The following GALNT18 variants were observed in gnomAD, a reference collection of about 807,000 sequenced individuals.
GALNT18 encodes the protein polypeptide N-acetylgalactosaminyltransferase 18.
A neutral mutation model predicts 69.5 loss-of-function variants in GALNT18; 44 were observed. That is an observed-to-expected ratio of 0.63 (90% CI 0.50 to 0.81). GALNT18 has a LOEUF of 0.81. Ranked by LOEUF, GALNT18 falls within the 40% of genes least tolerant of loss-of-function variation. The probability of loss-of-function intolerance (pLI) is 0.00; values close to 1 mark genes in which losing one functional copy is unlikely to be tolerated. For synonymous variants in GALNT18, 364 were observed against 318.2 expected, an observed-to-expected ratio of 1.14 and a Z score of -1.53; for missense variants, 715 against 810.0, an observed-to-expected ratio of 0.88 and a Z score of 1.42.
chr11:11,498,770 G>A (rs1856917632), intron 1 of GALNT18, among the ~76,000 whole-genome samples: 1 of 152,202 alleles, frequency 6.6e-6, no homozygotes, highest in Non-Finnish European at 1.5e-5. Flanking sequence ...CTGCACTCCA[G>A]CCTGGGCAAC....
intron 6 of GALNT18, among the ~76,000 whole-genome samples, chr11:11,369,487 AG>A (rs1395932302): frequency 6.6e-6 from 1 of 152,136 alleles, no homozygotes; most frequent in Non-Finnish European, 1.5e-5. Context: ...TCGTTGGATT[AG>A]GGCCCACCCT....
intron 1 of GALNT18, among the ~76,000 whole-genome samples, chr11:11,520,807 G>A (rs185303558): frequency 9.8e-5 from 15 of 152,334 alleles, no homozygotes; most frequent in East Asian, 5.8e-4. Flanking sequence ...GGATCAGTCC[G>A]GGGAGGGGCG....
rs1446456637 is a variant in GALNT18 at position 11,591,221 on chromosome 11, T to A, written c.235+30138A>T. Among the ~76,000 whole-genome samples the A allele has an allele frequency of 6.6e-6, 1 of 151,922 alleles. No individual in the cohort carries two copies. The highest frequency in any genetic ancestry group is 1.5e-5 in the Non-Finnish European group (1 of 67,980). ...GCCTTTTTAAGGCCTTTTTAAGGCT[T>A]TGTAAGGCTTAAAAGCTAAGACACA... is the stretch of plus-strand genomic sequence containing the variant. On this transcript the variant is annotated intron_variant, in intron 1 of 10. Transcript: ENST00000227756. The surrounding 1 kb of genome is among the most constrained non-coding windows in gnomAD (Gnocchi z 4.8).
At chr11:11,437,458 A>C (rs1034272086) in intron 2 of GALNT18, among the ~76,000 whole-genome samples, 2 of 152,102 alleles carry the variant, frequency 1.3e-5, no homozygotes, top group East Asian at 1.9e-4. Context: ...GGGAGCAACA[A>C]CTTAGGGGGC....
intron 2 of GALNT18, among the ~76,000 whole-genome samples, chr11:11,446,163 C>T (rs928064213): frequency 2.0e-5 from 3 of 152,210 alleles, no homozygotes; most frequent in African/African-American, 4.8e-5. Context: ...TTCCGCTCTT[C>T]AGTTTCCTCA....
chr11:11,272,231 C>T (rs1010225120), intron 10 of GALNT18, among the ~76,000 whole-genome samples: 1 of 152,198 alleles, frequency 6.6e-6, no homozygotes, highest in Non-Finnish European at 1.5e-5. Flanking sequence ...TTTCATTTAT[C>T]TATCCTTTCA....
intron 3 of GALNT18, among the ~76,000 whole-genome samples, chr11:11,422,609 G>GT (rs937226579): frequency 7.3e-5 from 11 of 149,896 alleles, no homozygotes; most frequent in South Asian, 6.3e-4. Flanking sequence ...CTTTTCCTCT[G>GT]TTTTTTTTGT....
At chr11:11,300,632 C>T (rs556701767) in intron 9 of GALNT18, among the ~76,000 whole-genome samples, 30 of 152,012 alleles carry the variant, frequency 2.0e-4, no homozygotes, top group Non-Finnish European at 4.0e-4. Flanking sequence ...TACGATTGGA[C>T]GGTTGGCAAA....
rs115909579 is a variant in GALNT18, at chr11:11,550,237, A to G, written c.235+71122T>C. Among the ~76,000 whole-genome samples the G allele has an allele frequency of 1.2e-3, 179 of 152,356 alleles. 1 individual carries two copies. The highest frequency in any genetic ancestry group is 3.8e-3 in the African/African-American group (157 of 41,582). ...GGTACAGTGTCTAGACCACAGTGATAGCTTCCAGCCCACCCTGGGATCTAG... is the reference window on the plus strand; with the variant it reads ...GGTACAGTGTCTAGACCACAGTGATGGCTTCCAGCCCACCCTGGGATCTAG... On this transcript the variant is annotated intron_variant, in intron 1 of 10. Transcript: ENST00000227756.
rs1481972648 is a variant in GALNT18, at chr11:11,358,816, A to G, written c.1092+13699T>C. Among the ~76,000 whole-genome samples the G allele has an allele frequency of 2.2e-5, 2 of 91,006 alleles. 1 individual carries two copies. The highest frequency in any genetic ancestry group is 2.2e-4 in the Admixed American group (2 of 9,218). 59.7% of individuals were successfully genotyped at this position (91,006 alleles called of 152,430 possible). ...AACAGTGGCAAAGCTAACAGCCCCA[A>G]TCCACACAAAACACACACACACACA... On this transcript the variant is annotated intron_variant, in intron 6 of 10. Transcript: ENST00000227756.
At chr11:11,509,398 T>C (rs1857127021) in intron 1 of GALNT18, among the ~76,000 whole-genome samples, 1 of 152,224 alleles carries the variant, frequency 6.6e-6, no homozygotes, top group South Asian at 2.1e-4. Context: ...TATATTTTTA[T>C]TTTGCATTAC....
intron 1 of GALNT18, among the ~76,000 whole-genome samples, chr11:11,522,390 C>T (rs1857419666): frequency 6.6e-6 from 1 of 152,194 alleles, no homozygotes; most frequent in South Asian, 2.1e-4. Context: ...GGCCAGGCTT[C>T]AGGGTCCTCC....
At chr11:11,517,088 C>G (rs2133922072) in intron 1 of GALNT18, among the ~76,000 whole-genome samples, 1 of 152,326 alleles carries the variant, frequency 6.6e-6, no homozygotes, top group Non-Finnish European at 1.5e-5. Context: ...AGATGGCTGT[C>G]TATGAACCAG....
chr11:11,399,886 T>C (rs1017901676), intron 3 of GALNT18, among the ~76,000 whole-genome samples: 4 of 152,252 alleles, frequency 2.6e-5, no homozygotes, highest in Non-Finnish European at 5.9e-5. Flanking sequence ...GTGTTAAATA[T>C]ATAGCAATAA....
intron 1 of GALNT18, among the ~76,000 whole-genome samples, chr11:11,579,918 A>G (rs555018424): frequency 1.3e-5 from 2 of 152,312 alleles, no homozygotes; most frequent in African/African-American, 4.8e-5. Flanking sequence ...GAGTTCTCCT[A>G]TAAAATGCCT....
intron 10 of GALNT18, among the ~76,000 whole-genome samples, chr11:11,280,110 G>C (rs769822043): frequency 6.6e-6 from 1 of 152,094 alleles, no homozygotes; most frequent in Non-Finnish European, 1.5e-5. Flanking sequence ...AATAAAGCAA[G>C]ATTCCTCCTG....
Position 11,339,874 on chromosome 11 carries a change from G to A in GALNT18, c.1278+945C>T, listed in dbSNP as rs187879194. Among the ~76,000 whole-genome samples the A allele has an allele frequency of 6.6e-6, 1 of 152,086 alleles. No homozygotes were observed. The highest frequency in any genetic ancestry group is 1.9e-4 in the East Asian group (1 of 5,170). On this transcript the variant is annotated intron_variant, in intron 7 of 10. Transcript: ENST00000227756. The surrounding 1 kb of genome is among the most constrained non-coding windows in gnomAD (Gnocchi z 5.2). ...CAGAGCAACATTAGCTTGGTGTAGA[G>A]TTTAGGTAACAGGGCTTTCATATGA...
chr11:11,399,408 G>A (rs1427251975), intron 3 of GALNT18, among the ~76,000 whole-genome samples: 1 of 152,174 alleles, frequency 6.6e-6, no homozygotes, highest in Non-Finnish European at 1.5e-5. Flanking sequence ...GATCAAGATT[G>A]AAAAGGGGTG....
chr11:11,549,151 C>T (rs1408130790), intron 1 of GALNT18, among the ~76,000 whole-genome samples: 1 of 152,176 alleles, frequency 6.6e-6, no homozygotes, highest in Non-Finnish European at 1.5e-5. Context: ...CTAGAATGCA[C>T]ACATAATGAC....
Sources: gnomAD v4.1 joint callset for allele counts (sites outside exome capture counted in the v4.1 genomes callset) on GRCh38, gnomAD v4.1.1 for gene constraint, Gnocchi (gnomAD v3.1) non-coding constraint, MANE v1.5 for transcripts, NCBI Gene and HGNC (gene_info 2026-07-23, HGNC 2026-07-21) for gene names.